The following ASIC2 variants were observed in gnomAD, a reference collection of about 807,000 sequenced individuals.
ASIC2 encodes the protein acid sensing ion channel subunit 2.
ASIC2 carries 25 observed loss-of-function variants against 57.3 expected under a neutral mutation model. The ratio of observed to expected loss-of-function variants is 0.44; its 90% CI spans 0.32 to 0.61. ASIC2 has a LOEUF of 0.61. ASIC2 is among the 20% of genes least tolerant of loss of function. ASIC2 has a pLI of 0.06. For missense variants in ASIC2, 641 were observed against 738.1 expected (o/e 0.87, Z 1.52); for synonymous variants, 319 against 307.5 (o/e 1.04, Z -0.39).
At chr17:33,628,770 C>T (rs961871562) in intron 1 of ASIC2, among the ~76,000 whole-genome samples, 2 of 152,148 alleles carry the variant, frequency 1.3e-5, no homozygotes, top group African/African-American at 4.8e-5. Context: ...ACAATTATTA[C>T]CTCCATCTAA....
chr17:33,602,480 C>G (rs1304228408), intron 1 of ASIC2, among the ~76,000 whole-genome samples: 4 of 152,182 alleles, frequency 2.6e-5, no homozygotes, highest in Admixed American at 2.0e-4. Context: ...AGCAAGAAGG[C>G]CCTCACCAGA....
intron 1 of ASIC2, among the ~76,000 whole-genome samples, chr17:33,563,977 A>C (rs1916155031): frequency 6.6e-6 from 1 of 152,094 alleles, no homozygotes; most frequent in Non-Finnish European, 1.5e-5. Context: ...ATTTCTTACG[A>C]GATTAGATGG....
rs117749391 is a variant in ASIC2 at position 33,513,808 on chromosome 17, A to G, written c.556-401741T>C. On this transcript the variant is annotated intron_variant, in intron 1 of 9. Transcript: ENST00000359872. ...CCAGGTTCAAAGGCGGCACCTTCCCAGAAGGCTCACTCCCATCTGTAGCTG... is the reference window on the plus strand; with the variant it reads ...CCAGGTTCAAAGGCGGCACCTTCCCGGAAGGCTCACTCCCATCTGTAGCTG... Among the ~76,000 whole-genome samples, 302 of 152,328 alleles carry G rather than the reference A, an allele frequency of 2.0e-3. 7 individuals are homozygous for G. The East Asian group carries it at 0.044, about 22-fold the overall frequency.
chr17:33,344,727 T>G (rs1907876123), intron 1 of ASIC2, among the ~76,000 whole-genome samples: 1 of 152,130 alleles, frequency 6.6e-6, no homozygotes, highest in Non-Finnish European at 1.5e-5. Flanking sequence ...GCTCACACAT[T>G]TTTTCAGGTT....
intron 1 of ASIC2, among the ~76,000 whole-genome samples, chr17:34,116,876 A>G (rs539969104): frequency 6.6e-6 from 1 of 151,708 alleles, no homozygotes; most frequent in East Asian, 1.9e-4. Context: ...GGCGTATAAT[A>G]TGTGTGTGTG....
intron 1 of ASIC2, among the ~76,000 whole-genome samples, chr17:33,207,168 C>A (rs2142084050): frequency 6.6e-6 from 1 of 152,360 alleles, no homozygotes; most frequent in African/African-American, 2.4e-5. Context: ...CCCACAATAT[C>A]CCCGTCCTTA....
Position 33,170,307 on chromosome 17 carries a change from T to C in ASIC2, c.709-58240A>G, listed in dbSNP as rs141478470. Among the ~76,000 whole-genome samples, 1,043 of 152,272 alleles carry C rather than the reference T, an allele frequency of 6.8e-3. 13 individuals are homozygous for C. The highest frequency in any genetic ancestry group is 0.024 in the African/African-American group (978 of 41,540). On this transcript the variant is annotated intron_variant, in intron 1 of 9. Coordinates refer to ENST00000225823, the MANE Select transcript of ASIC2 (RefSeq NM_183377.2). Reference sequence around the variant, plus strand: ...AGTTTAGATATAAGAAAATCATCAGTGATTACTTATATTACAAAAAGATTC... The same window carrying C: ...AGTTTAGATATAAGAAAATCATCAGCGATTACTTATATTACAAAAAGATTC...
chr17:33,984,542 G>C (rs1905747296), intron 1 of ASIC2, among the ~76,000 whole-genome samples: 1 of 152,208 alleles, frequency 6.6e-6, no homozygotes, highest in African/African-American at 2.4e-5. Context: ...GGGCCAAGAG[G>C]AAATTTCCCA....
At chr17:33,919,297 C>G (rs1915657041) in intron 1 of ASIC2, among the ~76,000 whole-genome samples, 1 of 152,096 alleles carries the variant, frequency 6.6e-6, no homozygotes, top group African/African-American at 2.4e-5. Flanking sequence ...GCCCAAAAAC[C>G]CTATTGCTGT....
chr17:34,128,484 G>C (rs562975882), intron 1 of ASIC2, among the ~76,000 whole-genome samples: 5 of 149,830 alleles, frequency 3.3e-5, no homozygotes, highest in Non-Finnish European at 7.5e-5. Context: ...CAATGTGATA[G>C]TAGAGGAGGA....
At chr17:33,069,642 T>C (rs1307409750) in intron 3 of ASIC2, among the ~76,000 whole-genome samples, 1 of 152,236 alleles carries the variant, frequency 6.6e-6, no homozygotes, top group Non-Finnish European at 1.5e-5. Flanking sequence ...TTGTCTGATA[T>C]TAGCATAGCC....
At chr17:33,095,394 G>A (rs2092174485) in intron 2 of ASIC2, among the ~76,000 whole-genome samples, 1 of 152,162 alleles carries the variant, frequency 6.6e-6, no homozygotes, top group African/African-American at 2.4e-5. Flanking sequence ...TCTCTGTTAA[G>A]ACTGAGAGAT....
Position 33,013,976 on chromosome 17 carries a change from T to C in ASIC2, c.1681A>G (p.Ile561Val), listed in dbSNP as rs1179382107. The C allele has an allele frequency of 3.1e-6, 5 of 1,593,366 alleles. No individual in the cohort carries two copies. Among genetic ancestry groups the C allele is most frequent in the Non-Finnish European group, 4.3e-6 (5 of 1,169,326 alleles). The change falls in exon 10 of 10, where the codon ATT becomes GTT. Residue 561 changes from isoleucine (I) to valine (V), a missense_variant. Physicochemically the swap from Ile to Val is conservative, Grantham distance 29 (BLOSUM62 3). This residue lies in a region of ASIC2 where 252 missense variants were observed against 319.8 expected (regional missense o/e 0.79). Transcript: ENST00000225823. ...TGACTCGAGGGGTGTCAGCAGGCAATCTCCTCCAAGGTCCCCAGGGTCGTC... is the reference window on the plus strand; with the variant it reads ...TGACTCGAGGGGTGTCAGCAGGCAACCTCCTCCAAGGTCCCCAGGGTCGTC... ...LQTTLGTLEE[I>V]AC
At chr17:34,079,388 C>T (rs1041672502) in intron 1 of ASIC2, among the ~76,000 whole-genome samples, 11 of 152,196 alleles carry the variant, frequency 7.2e-5, no homozygotes, top group Non-Finnish European at 1.6e-4. Flanking sequence ...GCTGTTCTCA[C>T]TCCCTCCCCT....
intron 1 of ASIC2, among the ~76,000 whole-genome samples, chr17:33,473,195 C>T (rs1429154738): frequency 6.6e-6 from 1 of 152,248 alleles, no homozygotes; most frequent in Admixed American, 6.5e-5. Context: ...GGGGCAGGGA[C>T]TGGCATGGGG....
At chr17:34,097,428 C>T (rs927150012) in intron 1 of ASIC2, among the ~76,000 whole-genome samples, 4 of 152,012 alleles carry the variant, frequency 2.6e-5, no homozygotes, top group African/African-American at 9.7e-5. Flanking sequence ...GAATAGAGTC[C>T]CCCAAAACAG....
chr17:33,310,671 G>A (rs140838603), intron 1 of ASIC2, among the ~76,000 whole-genome samples: 15 of 152,210 alleles, frequency 9.9e-5, no homozygotes, highest in African/African-American at 3.6e-4. Context: ...CTCTTTTAAT[G>A]TTTTTTCTAG....
chr17:33,830,069 C>T (rs1026476452), intron 1 of ASIC2, among the ~76,000 whole-genome samples: 1 of 152,274 alleles, frequency 6.6e-6, no homozygotes, highest in East Asian at 1.9e-4. Context: ...GGCAACTTTT[C>T]CTATAACTGA....
chr17:33,843,437 A>G (rs919604860), intron 1 of ASIC2, among the ~76,000 whole-genome samples: 2 of 152,216 alleles, frequency 1.3e-5, no homozygotes, highest in African/African-American at 2.4e-5. Context: ...AATAGTGCAC[A>G]TTTATGTCAT....
Sources: gnomAD v4.1 joint callset for allele counts (sites outside exome capture counted in the v4.1 genomes callset) on GRCh38, gnomAD v4.1.1 for gene constraint, gnomAD v4.1.1 regional missense constraint, MANE v1.5 for transcripts, NCBI Gene and HGNC (gene_info 2026-07-23, HGNC 2026-07-21) for gene names.